Variants in TAFA1 observed in about 807,000 individuals in gnomAD.
TAFA1 encodes the protein chemokine-like protein TAFA-1.
TAFA1 carries 4 observed loss-of-function variants against 18.5 expected under a neutral mutation model. That is an observed-to-expected ratio of 0.22 (90% confidence interval 0.11 to 0.49). The LOEUF (loss-of-function observed/expected upper bound fraction) is 0.49. TAFA1 is among the 20% of genes least tolerant of loss of function. The pLI, the probability that TAFA1 is intolerant of heterozygous loss-of-function variation, is 0.98. For missense variants in TAFA1, 147 were observed against 169.0 expected (o/e 0.87, Z 0.72); for synonymous variants, 56 against 55.2 (o/e 1.01, Z -0.06).
intron 2 of TAFA1, among the ~76,000 whole-genome samples, chr3:68,402,994 C>A (rs1269869028): frequency 6.6e-6 from 1 of 152,146 alleles, no homozygotes; most frequent in Non-Finnish European, 1.5e-5. Context: ...TAACGACAGA[C>A]CTATAAGATA....
intron 2 of TAFA1, among the ~76,000 whole-genome samples, chr3:68,055,696 T>G (rs1450687365): frequency 6.6e-6 from 1 of 152,020 alleles, no homozygotes; most frequent in African/African-American, 2.4e-5. Flanking sequence ...TTCTGAAGTC[T>G]CAGAGGGTTA....
intron 3 of TAFA1, among the ~76,000 whole-genome samples, chr3:68,461,920 G>C (rs2106925001): frequency 6.6e-6 from 1 of 152,138 alleles, no homozygotes; most frequent in South Asian, 2.1e-4. Context: ...CTGTTGTCTG[G>C]GTTGCAACAA....
At chr3:68,441,616 A>G (rs67036275) in intron 3 of TAFA1, among the ~76,000 whole-genome samples, 36,873 of 152,028 alleles carry the variant, frequency 0.24, 5,028 homozygotes, top group East Asian at 0.62. Context: ...GAATTGATAT[A>G]TACATGATCG....
chr3:68,030,339 T>C (rs1704905617), intron 2 of TAFA1, among the ~76,000 whole-genome samples: 1 of 152,030 alleles, frequency 6.6e-6, no homozygotes, highest in South Asian at 2.1e-4. Flanking sequence ...TATATATATA[T>C]GTGCTGTGGT....
chr3:68,224,436 G>A (rs552199021), intron 2 of TAFA1, among the ~76,000 whole-genome samples: 31 of 152,106 alleles, frequency 2.0e-4, no homozygotes, highest in Non-Finnish European at 3.1e-4. Flanking sequence ...TAAAATTTTT[G>A]CAACCTATTC....
chr3:68,278,200 C>T (rs888547213), intron 2 of TAFA1, among the ~76,000 whole-genome samples: 8 of 151,984 alleles, frequency 5.3e-5, no homozygotes, highest in East Asian at 1.9e-4. Flanking sequence ...TCATTCACAC[C>T]GACAATGGAT....
At chr3:68,065,738 G>GTATA (rs1438316582) in intron 2 of TAFA1, among the ~76,000 whole-genome samples, 6 of 131,920 alleles carry the variant, frequency 4.5e-5, no homozygotes, top group African/African-American at 1.5e-4. Flanking sequence ...ATGTGTGTGT[G>GTATA]TGTATATATA....
intron 3 of TAFA1, among the ~76,000 whole-genome samples, chr3:68,506,048 C>T (rs1421659929): frequency 1.3e-5 from 2 of 151,992 alleles, no homozygotes; most frequent in African/African-American, 4.8e-5. Flanking sequence ...TACCTCCCCA[C>T]CTCCTGATAG....
intron 2 of TAFA1, among the ~76,000 whole-genome samples, chr3:68,015,066 G>A (rs1456015972): frequency 6.6e-6 from 1 of 151,992 alleles, no homozygotes; most frequent in African/African-American, 2.4e-5. Flanking sequence ...GAATCAAAAG[G>A]GGATGTTCTG....
intron 3 of TAFA1, among the ~76,000 whole-genome samples, chr3:68,440,931 G>A (rs1022216514): frequency 1.1e-4 from 16 of 152,124 alleles, no homozygotes; most frequent in Non-Finnish European, 2.4e-4. Context: ...TGGAATCATT[G>A]TTGTGTCTCC....
At chr3:68,362,160 A>G (rs1219798434) in intron 2 of TAFA1, among the ~76,000 whole-genome samples, 1 of 152,122 alleles carries the variant, frequency 6.6e-6, no homozygotes, top group Admixed American at 6.6e-5. Flanking sequence ...CATACCTATT[A>G]TACACTTTCT....
chr3:68,443,653 C>T (rs1244150553), intron 3 of TAFA1, among the ~76,000 whole-genome samples: 3 of 152,026 alleles, frequency 2.0e-5, no homozygotes, highest in Admixed American at 6.6e-5. Context: ...TCCTGAGGCT[C>T]ATTCACTATC....
At chr3:68,237,956 C>A (rs181708083) in intron 2 of TAFA1, among the ~76,000 whole-genome samples, 10 of 151,820 alleles carry the variant, frequency 6.6e-5, no homozygotes, top group Non-Finnish European at 1.2e-4. Context: ...GATGTGTCTG[C>A]CCTCCTTGCT....
intron 3 of TAFA1, among the ~76,000 whole-genome samples, chr3:68,532,562 C>A (rs1475557004): frequency 6.6e-6 from 1 of 152,154 alleles, no homozygotes; most frequent in Admixed American, 6.6e-5. Context: ...TCTGTGTCTA[C>A]AGCCCCTCTG....
Position 68,004,959 on chromosome 3 carries a change from G to T in TAFA1, c.-4+257G>T, listed in dbSNP as rs140322250. Among the ~76,000 whole-genome samples, 549 of 152,038 alleles carry T rather than the reference G, an allele frequency of 3.6e-3. 5 individuals carry two copies. Among genetic ancestry groups the T allele is most frequent in the African/African-American group, 0.013 (529 of 41,484 alleles). On this transcript the variant is annotated intron_variant, in intron 1 of 4. Coordinates refer to ENST00000478136, the MANE Select transcript of TAFA1 (RefSeq NM_213609.4). Reference sequence around the variant, plus strand: ...TCACAGTAATCCTTTTGAGTGGTAGGATCTATATGGGTGAAGAAATGAGCA... The same window carrying T: ...TCACAGTAATCCTTTTGAGTGGTAGTATCTATATGGGTGAAGAAATGAGCA...
chr3:68,071,192 G>T (rs536989741), intron 2 of TAFA1, among the ~76,000 whole-genome samples: 1 of 152,354 alleles, frequency 6.6e-6, no homozygotes, highest in East Asian at 1.9e-4. Flanking sequence ...GTTCCATGTG[G>T]CTGAGGAGGC....
At chr3:68,404,304 A>G (rs908439993) in intron 2 of TAFA1, among the ~76,000 whole-genome samples, 3 of 152,232 alleles carry the variant, frequency 2.0e-5, no homozygotes, top group Non-Finnish European at 2.9e-5. Flanking sequence ...AATGCCATTC[A>G]TTGATGCTGT....
the TAFA1 span, among the ~76,000 whole-genome samples, chr3:67,995,886 T>C: frequency 3.9e-5 from 6 of 152,232 alleles, no homozygotes; most frequent in East Asian, 9.6e-4. Flanking sequence ...AGAATCTTGC[T>C]GCAAATTCAT....
At position 68,260,796 on chromosome 3, in the gene TAFA1, A is replaced by G. The variant is rs141052020; in HGVS notation, c.119-156484A>G. ...AAGATGGATTAAAGACTTACATGTT[A>G]GACCTAAAACCATAAAAATCCTAGA... is the stretch of plus-strand genomic sequence containing the variant. On this transcript the variant is annotated intron_variant, in intron 2 of 4. Transcript: ENST00000478136. Among the ~76,000 whole-genome samples, 1,193 of 152,316 alleles carry G rather than the reference A, an allele frequency of 7.8e-3. 20 individuals are homozygous for G. Among genetic ancestry groups the G allele is most frequent in the African/African-American group, 0.027 (1,117 of 41,570 alleles).
Sources: allele counts gnomAD v4.1 joint callset (sites outside exome capture counted in the v4.1 genomes callset), GRCh38; gene constraint gnomAD v4.1.1; transcripts MANE v1.5; gene names NCBI Gene and HGNC (gene_info 2026-07-23, HGNC 2026-07-21).